Variants in CUX2 observed in about 807,000 individuals in gnomAD.
CUX2 encodes the protein homeobox protein cut-like 2.
In CUX2, 40 loss-of-function variants were observed where a neutral mutation model predicts 144.8. The ratio of observed to expected loss-of-function variants is 0.28; its 90% CI spans 0.21 to 0.36. The LOEUF (loss-of-function observed/expected upper bound fraction) is 0.36. CUX2 is among the 10% of genes least tolerant of loss of function. The pLI is 1.00. For synonymous variants in CUX2, 827 were observed against 875.6 expected, an observed-to-expected ratio of 0.94 and a Z score of 0.98; for missense variants, 1,615 against 1,994.0, an observed-to-expected ratio of 0.81 and a Z score of 3.62.
chr12:111,180,671 C>T (rs1879109670), intron 1 of CUX2, among the ~76,000 whole-genome samples: 1 of 152,156 alleles, frequency 6.6e-6, no homozygotes, highest in Non-Finnish European at 1.5e-5. Flanking sequence ...GGACTGAGGC[C>T]TCCAGTCCTC....
intron 1 of CUX2, among the ~76,000 whole-genome samples, chr12:111,069,694 C>CTG (rs1871182342): frequency 1.3e-5 from 2 of 152,134 alleles, no homozygotes; most frequent in African/African-American, 4.8e-5. Context: ...TGGTCATACC[C>CTG]TGGGCATGTC....
chr12:111,135,855 G>A (rs563869234), intron 1 of CUX2, among the ~76,000 whole-genome samples: 113 of 152,334 alleles, frequency 7.4e-4, no homozygotes, highest in African/African-American at 2.6e-3. Flanking sequence ...GATACTTGCT[G>A]GGTCTTGGGG....
intron 1 of CUX2, among the ~76,000 whole-genome samples, chr12:111,043,561 C>T (rs1869849040): frequency 6.6e-6 from 1 of 152,130 alleles, no homozygotes; most frequent in African/African-American, 2.4e-5. Context: ...GCCTGTAATC[C>T]CAGCACTTTG....
chr12:111,077,831 A>G lies in CUX2; in HGVS notation c.63+43591A>G, dbSNP rs965392815. ...CATCTTCTGATTAGTTGGGAAATCC[A>G]TGGGTCTGTTTAAGAGATAAGAACA... On this transcript the variant is annotated intron_variant, in intron 1 of 21. Coordinates refer to ENST00000261726, the MANE Select transcript of CUX2 (RefSeq NM_015267.4). This position sits in a 1 kb window ranked among gnomAD's most constrained non-coding sequence, Gnocchi z 4.1. 2.6e-5 allele frequency among the ~76,000 whole-genome samples: 4 copies of G among 152,236 alleles called. No individual in the cohort carries two copies. Among genetic ancestry groups the G allele is most frequent in the South Asian group, 4.1e-4 (2 of 4,834 alleles).
chr12:111,124,617 G>A (rs1226589187), intron 1 of CUX2, among the ~76,000 whole-genome samples: 1 of 152,204 alleles, frequency 6.6e-6, no homozygotes, highest in Admixed American at 6.5e-5. Flanking sequence ...GGAAAAAGGA[G>A]TTCTGAGTTC....
intron 1 of CUX2, among the ~76,000 whole-genome samples, chr12:111,142,060 G>T (rs896378636): frequency 6.6e-6 from 1 of 152,118 alleles, no homozygotes; most frequent in African/African-American, 2.4e-5. Context: ...CTCCAGCCTG[G>T]GTGACAGAGT....
chr12:111,045,577 G>A (rs1451546282), intron 1 of CUX2, among the ~76,000 whole-genome samples: 9 of 152,142 alleles, frequency 5.9e-5, no homozygotes, highest in Non-Finnish European at 4.4e-5. Context: ...GATTATTATT[G>A]CTATTTATTA....
intron 1 of CUX2, among the ~76,000 whole-genome samples, chr12:111,202,959 C>T (rs923016675): frequency 1.3e-5 from 2 of 151,958 alleles, no homozygotes; most frequent in Non-Finnish European, 2.9e-5. Flanking sequence ...GGGCTGGGCA[C>T]CATGGTTCAC....
intron 1 of CUX2, among the ~76,000 whole-genome samples, chr12:111,104,992 C>T (rs1873503861): frequency 1.3e-5 from 2 of 152,310 alleles, no homozygotes; most frequent in African/African-American, 4.8e-5. Context: ...ACCCGAAACA[C>T]TCTGTTTCTC....
intron 4 of CUX2, among the ~76,000 whole-genome samples, chr12:111,271,123 C>T (rs1374233097): frequency 1.3e-5 from 2 of 152,142 alleles, no homozygotes; most frequent in Non-Finnish European, 2.9e-5. Context: ...CTACGAGGTT[C>T]GGTCTGTTGT....
chr12:111,223,651 A>G (rs1254769811), intron 3 of CUX2, among the ~76,000 whole-genome samples: 1 of 152,156 alleles, frequency 6.6e-6, no homozygotes, highest in Non-Finnish European at 1.5e-5. Flanking sequence ...GGGGGATAAG[A>G]CAGCACATGG....
At chr12:111,196,482 A>G (rs934638493) in intron 1 of CUX2, among the ~76,000 whole-genome samples, 2 of 152,046 alleles carry the variant, frequency 1.3e-5, no homozygotes, top group African/African-American at 2.4e-5. Flanking sequence ...TGGGCTTAGT[A>G]TTGTCTTTGT....
chr12:111,103,297 G>A (rs975525891), intron 1 of CUX2, among the ~76,000 whole-genome samples: 1 of 152,174 alleles, frequency 6.6e-6, no homozygotes, highest in African/African-American at 2.4e-5. Context: ...GCGCCTGATG[G>A]AAGCATCTTC....
chr12:111,295,197 TA>T lies in CUX2; in HGVS notation c.561-134del. On this transcript the variant is annotated intron_variant, in intron 6 of 21. Transcript: ENST00000261726. This position sits in a 1 kb window ranked among gnomAD's most constrained non-coding sequence, Gnocchi z 5.0. ...CAGCCAGGTGCCTGAATGTCGTGTCTAAGGACTTGCAGAAAGACAGAGGTGC... is the reference window on the plus strand; with the variant it reads ...CAGCCAGGTGCCTGAATGTCGTGTCTAGGACTTGCAGAAAGACAGAGGTGC... 1 of 661,782 alleles carries T rather than the reference TA, an allele frequency of 1.5e-6. No individual in the cohort carries two copies. The highest frequency in any genetic ancestry group is 2.6e-6 in the Non-Finnish European group (1 of 389,284). The allele number at this position is 661,782 out of a possible 1,614,324, so 41.0% of individuals were successfully genotyped here. A position where few individuals can be genotyped will look rare whatever the true frequency, so the allele number is the denominator to read the frequency against.
chr12:111,326,198 A>T (rs1887795911), intron 18 of CUX2, among the ~76,000 whole-genome samples: 1 of 14,052 alleles, frequency 7.1e-5, no homozygotes, highest in Non-Finnish European at 1.2e-4. Flanking sequence ...GTTTGTTTAT[A>T]GTGTTGTGGT....
rs1479528866 is a variant in CUX2 at position 111,178,796 on chromosome 12, G to A, written c.64-35404G>A. Among the ~76,000 whole-genome samples, 2 of 152,258 alleles carry A rather than the reference G, an allele frequency of 1.3e-5. No individual in the cohort carries two copies. Among genetic ancestry groups the A allele is most frequent in the African/African-American group, 2.4e-5 (1 of 41,526 alleles). On this transcript the variant is annotated intron_variant, in intron 1 of 21. Transcript: ENST00000261726. This position sits in a 1 kb window ranked among gnomAD's most constrained non-coding sequence, Gnocchi z 5.7. ...CTGTGATGAGGGCTCAGATGGAAGC[G>A]CAGGGGCCGTGGGGGCTTGGGGATG...
chr12:111,288,737 TG>T (rs1467161789), intron 4 of CUX2, among the ~76,000 whole-genome samples: 1 of 151,736 alleles, frequency 6.6e-6, no homozygotes, highest in African/African-American at 2.4e-5. Flanking sequence ...CCAAGGTGGG[TG>T]GATCACCTGA....
chr12:111,050,589 T>A (rs1870216060), intron 1 of CUX2, among the ~76,000 whole-genome samples: 1 of 152,150 alleles, frequency 6.6e-6, no homozygotes, highest in South Asian at 2.1e-4. Flanking sequence ...GCTACCCTGA[T>A]TACCTCCCTC....
chr12:111,144,660 G>A (rs1043419389), intron 1 of CUX2, among the ~76,000 whole-genome samples: 2 of 152,224 alleles, frequency 1.3e-5, no homozygotes, highest in African/African-American at 4.8e-5. Context: ...TGGAGCCCAA[G>A]CATCCAGCTT....
Sources: gnomAD v4.1 joint callset for allele counts (sites outside exome capture counted in the v4.1 genomes callset) on GRCh38, gnomAD v4.1.1 for gene constraint, Gnocchi (gnomAD v3.1) non-coding constraint, MANE v1.5 for transcripts, NCBI Gene and HGNC (gene_info 2026-07-23, HGNC 2026-07-21) for gene names.